The following MAN2B2 variants were observed in gnomAD, a reference collection of about 807,000 sequenced individuals.
MAN2B2 encodes mannosidase alpha class 2B member 2, also known as epididymis-specific alpha-mannosidase.
A neutral mutation model predicts 117.1 loss-of-function variants in MAN2B2; 106 were observed. The ratio of observed to expected loss-of-function variants is 0.90; its 90% confidence interval spans 0.77 to 1.06. The LOEUF (loss-of-function observed/expected upper bound fraction) is 1.06, where lower values mean the gene tolerates loss of function less well. Ranked by LOEUF, MAN2B2 falls within the 50% of genes least tolerant of loss-of-function variation. The pLI, the probability that MAN2B2 is intolerant of heterozygous loss-of-function variation, is 0.00. For synonymous variants in MAN2B2, 544 were observed against 595.1 expected, an observed-to-expected ratio of 0.91 and a Z score of 1.25; for missense variants, 1,326 against 1,381.4, an observed-to-expected ratio of 0.96 and a Z score of 0.64.
At chr4:6,605,401 G>T in intron 11 of MAN2B2, 72 bp downstream of exon 11, 2 of 1,513,738 alleles carry the variant, frequency 1.3e-6, no homozygotes, top group Non-Finnish European at 1.8e-6. Flanking sequence ...CCCCTACCTG[G>T]ATTCTCCATT....
chr4:6,609,686 C>T, intron 12 of MAN2B2, 112 bp from the exon 13 acceptor site: 1 of 1,329,452 alleles, frequency 7.5e-7, no homozygotes, highest in Non-Finnish European at 1.0e-6. Flanking sequence ...GGCTCCCTGC[C>T]TTTCGGCGTA....
intron 4 of MAN2B2, among the ~76,000 whole-genome samples, chr4:6,588,759 C>T (rs1214554495): frequency 6.6e-6 from 1 of 152,108 alleles, no homozygotes; most frequent in Non-Finnish European, 1.5e-5. Flanking sequence ...AAGTAATGAG[C>T]TTCCTGCACC....
At chr4:6,579,141 TCAC>T (rs1560634525) in intron 3 of MAN2B2, among the ~76,000 whole-genome samples, 13 of 23,980 alleles carry the variant, frequency 5.4e-4, no homozygotes, top group Non-Finnish European at 6.9e-4. Context: ...ACCACCACCA[TCAC>T]CACCACCATC....
At chr4:6,609,334 ACAGT>A (rs775668877) in intron 12 of MAN2B2, 36 bp downstream of exon 12, 4 of 1,598,216 alleles carry the variant, frequency 2.5e-6, no homozygotes, top group Admixed American at 1.7e-5. Context: ...AGCCCGGCAC[ACAGT>A]CAGCGCACGC....
chr4:6,609,246 A>G lies in MAN2B2; in HGVS notation c.1954A>G (p.Met652Val). The G allele has an allele frequency of 6.2e-7, 1 of 1,614,180 alleles. No homozygotes were observed. Among genetic ancestry groups the G allele is most frequent in the Non-Finnish European group, 8.5e-7 (1 of 1,180,034 alleles). ...GGTGCCTGCGTGGGAAGCTGTGGAA[A>G]TGGAGATTGTGGCGGGACAGCTTGT... ...AAVPAWEAVE[M>V]EIVAGQLVTE... The change falls in exon 12 of 19, where the codon ATG becomes GTG. Residue 652 changes from methionine to valine, a missense_variant. Transcript: ENST00000285599.
At chr4:6,593,920 C>T (rs988116623) in intron 6 of MAN2B2, among the ~76,000 whole-genome samples, 1 of 152,134 alleles carries the variant, frequency 6.6e-6, no homozygotes, top group Non-Finnish European at 1.5e-5. Context: ...TTTCCTGAGG[C>T]CACAGAGTTC....
chr4:6,596,971 G>A (rs933509163), intron 7 of MAN2B2, 142 bp from the exon 8 acceptor site: 30 of 769,992 alleles, frequency 3.9e-5, no homozygotes, highest in Admixed American at 5.1e-5. Flanking sequence ...CCCTGGGCTC[G>A]CTGCCTGCCC....
intron 1 of MAN2B2, among the ~76,000 whole-genome samples, chr4:6,576,148 C>A (rs1726050307): frequency 1.3e-5 from 2 of 152,154 alleles, no homozygotes; most frequent in South Asian, 2.1e-4. Context: ...CCTCTCAGCA[C>A]CAGCTTTCCT....
intron 4 of MAN2B2, among the ~76,000 whole-genome samples, chr4:6,588,835 C>T (rs905357408): frequency 3.0e-4 from 46 of 152,172 alleles, no homozygotes; most frequent in African/African-American, 1.1e-3. Flanking sequence ...AAGCCTGCAT[C>T]GAGGAGTGGG....
chr4:6,586,967 G>A, intron 3 of MAN2B2, 29 bp from the exon 4 acceptor site: 2 of 1,598,298 alleles, frequency 1.3e-6, no homozygotes, highest in Non-Finnish European at 1.7e-6. Flanking sequence ...CGCCCTCCAG[G>A]CACCAGCAGG....
At chr4:6,575,722 C>T (rs575283638) in intron 1 of MAN2B2, among the ~76,000 whole-genome samples, 388 of 152,280 alleles carry the variant, frequency 2.5e-3, no homozygotes, top group Admixed American at 5.5e-3. Flanking sequence ...TGGTCCCCTG[C>T]GGGGCTGAAT....
At chr4:6,596,109 CTGTCCAGGTGGGCGTGG>C (rs1205619826) in intron 7 of MAN2B2, among the ~76,000 whole-genome samples, 102 of 149,344 alleles carry the variant, frequency 6.8e-4, no homozygotes, top group Middle Eastern at 3.4e-3. Flanking sequence ...GGGTGTGGCT[CTGTCCAGGTGGGCGTGG>C]TGTCCAGGTG....
At chr4:6,615,922 G>C (rs914797724) in intron 16 of MAN2B2, among the ~76,000 whole-genome samples, 1 of 152,086 alleles carries the variant, frequency 6.6e-6, no homozygotes, top group African/African-American at 2.4e-5. Flanking sequence ...TCCTACCTCA[G>C]CCTCCCGAGT....
In MAN2B2 at chr4:6,621,492, C is replaced by A. The variant is rs943538125; in HGVS notation, c.*207C>A. On this transcript the variant is annotated 3_prime_UTR_variant, in exon 19 of 19. Coordinates refer to ENST00000285599, the MANE Select transcript of MAN2B2 (RefSeq NM_015274.3). ...CATTACAAGATCCAGGTTCTTCCCC[C>A]CCACACTCAATCAAGCCAGCCCTCT... The A allele has an allele frequency of 1.5e-5, 8 of 544,550 alleles. No homozygotes were observed. Among genetic ancestry groups the A allele is most frequent in the South Asian group, 9.4e-5 (4 of 42,726 alleles). The allele number at this position is 544,550 out of a possible 1,614,324, so 33.7% of individuals were successfully genotyped here.
At chr4:6,575,865 G>C (rs1458446387) in intron 1 of MAN2B2, among the ~76,000 whole-genome samples, 1 of 152,216 alleles carries the variant, frequency 6.6e-6, no homozygotes, top group Non-Finnish European at 1.5e-5. Context: ...CATCTGTAAA[G>C]GGTAGGGGAA....
Position 6,605,341 on chromosome 4 carries a change from C to T in MAN2B2, c.1814+12C>T, listed in dbSNP as rs1727502090. 2 of 1,596,488 alleles carry T rather than the reference C, an allele frequency of 1.3e-6. No homozygotes were observed. Among genetic ancestry groups the T allele is most frequent in the South Asian group, 2.2e-5 (2 of 89,810 alleles). ...AGCATCTGGGAGAGGTAAGGTGCAG[C>T]CATTGCTGTCTCTGAGGCACAGGCA... On this transcript the variant is annotated intron_variant, in intron 11 of 18. Transcript: ENST00000285599.
At position 6,586,988 on chromosome 4, in the gene MAN2B2, C is replaced by T; in HGVS notation, c.392-8C>T. On this transcript the variant is annotated splice_polypyrimidine_tract_variant and splice_region_variant and intron_variant, in intron 3 of 18. Coordinates refer to ENST00000285599, the MANE Select transcript of MAN2B2 (RefSeq NM_015274.3). ...CCAGGCACCAGCAGGGTGTTGCTGT[C>T]TTTGCAGAAGGACACGGGTTTCTCT... is the stretch of plus-strand genomic sequence containing the variant. 6.2e-7 allele frequency: 1 copy of T among 1,611,392 alleles called. No homozygotes were observed. The highest frequency in any genetic ancestry group is 8.5e-7 in the Non-Finnish European group (1 of 1,178,404).
intron 6 of MAN2B2, 113 bp from the exon 7 acceptor site, chr4:6,594,421 T>C (rs556238879): frequency 9.3e-7 from 1 of 1,074,364 alleles, no homozygotes; most frequent in South Asian, 1.4e-5. Context: ...GGGGCCCCTG[T>C]TGGCCGCCTT....
At chr4:6,601,902 T>C (rs1727347660) in intron 10 of MAN2B2, among the ~76,000 whole-genome samples, 1 of 152,160 alleles carries the variant, frequency 6.6e-6, no homozygotes, top group African/African-American at 2.4e-5. Context: ...CGAGTGAAAG[T>C]GTGACAGTCT....
Sources: gnomAD v4.1 joint callset for allele counts (sites outside exome capture counted in the v4.1 genomes callset) on GRCh38, gnomAD v4.1.1 for gene constraint, MANE v1.5 for transcripts, NCBI Gene and HGNC (gene_info 2026-07-23, HGNC 2026-07-21) for gene names.